Variants in INTS2 observed in about 807,000 individuals in gnomAD.
INTS2 encodes the protein integrator complex subunit 2, also known as KIAA1287.
In INTS2, 57 loss-of-function variants were observed where a neutral mutation model predicts 139.6. The ratio of observed to expected loss-of-function variants is 0.41; its 90% CI spans 0.33 to 0.51. The LOEUF (loss-of-function observed/expected upper bound fraction) is 0.51. INTS2 is among the 20% of genes least tolerant of loss of function. INTS2 has a pLI of 0.28. For missense variants in INTS2, 1,196 were observed against 1,436.7 expected (o/e 0.83, Z 2.71); for synonymous variants, 473 against 493.4 (o/e 0.96, Z 0.55).
intron 16 of INTS2, among the ~76,000 whole-genome samples, chr17:61,884,145 G>C (rs1489173637): frequency 6.6e-6 from 1 of 152,040 alleles, no homozygotes; most frequent in Non-Finnish European, 1.5e-5. Context: ...AGATCTACCT[G>C]TACTGATATG....
intron 5 of INTS2, among the ~76,000 whole-genome samples, chr17:61,917,629 G>T (rs1005683871): frequency 6.6e-6 from 1 of 152,130 alleles, no homozygotes; most frequent in East Asian, 1.9e-4. Context: ...ACTACCAGTG[G>T]GGAGGAAGAA....
At chr17:61,925,249 G>T in intron 2 of INTS2, 150 bp from the exon 3 acceptor site, 1 of 772,832 alleles carries the variant, frequency 1.3e-6, no homozygotes, top group Non-Finnish European at 2.1e-6. Context: ...TAGTTTGCCT[G>T]TGTATTTCAG....
chr17:61,904,362 C>T, intron 9 of INTS2, 98 bp downstream of exon 9: 2 of 856,036 alleles, frequency 2.3e-6, no homozygotes, highest in Non-Finnish European at 1.8e-6. Context: ...CATACCTAGA[C>T]CAGCTTTTGT....
chr17:61,917,261 T>C (rs2079592360), intron 5 of INTS2, among the ~76,000 whole-genome samples: 1 of 152,192 alleles, frequency 6.6e-6, no homozygotes, highest in Non-Finnish European at 1.5e-5. Flanking sequence ...GAACTACCAT[T>C]CGACCCAGCA....
rs970197566 is a variant in INTS2 at position 61,872,560 on chromosome 17, T to C, written c.2583-100A>G. On this transcript the variant is annotated intron_variant, in intron 19 of 24. Transcript: ENST00000251334. This position sits in a 1 kb window ranked among gnomAD's most constrained non-coding sequence, Gnocchi z 4.8. Reference sequence around the variant, plus strand: ...TTTAGTTTAAATGCTGAGAAAAACCTGAGTAGTACATACTAACTTTTCCCA... The same window carrying C: ...TTTAGTTTAAATGCTGAGAAAAACCCGAGTAGTACATACTAACTTTTCCCA... 4.6e-5 allele frequency: 32 copies of C among 696,080 alleles called. No homozygotes were observed. The African/African-American group carries it at 5.5e-4, about 12-fold the overall frequency. 43.1% of individuals were successfully genotyped at this position (696,080 alleles called of 1,614,324 possible). A position where few individuals can be genotyped will look rare whatever the true frequency, so the allele number is the denominator to read the frequency against.
In INTS2 at chr17:61,865,423, ATC is replaced by A. The variant is rs1173152266; in HGVS notation, c.*2132_*2133del. The A allele has an allele frequency of 1.3e-5, 2 of 152,684 alleles. No homozygotes were observed. The highest frequency in any genetic ancestry group is 2.4e-5 in the African/African-American group (1 of 41,464). 9.5% of individuals were successfully genotyped at this position (152,684 alleles called of 1,614,324 possible). A position where few individuals can be genotyped will look rare whatever the true frequency, so the allele number is the denominator to read the frequency against. On this transcript the variant is annotated 3_prime_UTR_variant, in exon 25 of 25. Transcript: ENST00000251334. The surrounding 1 kb of genome is among the most constrained non-coding windows in gnomAD (Gnocchi z 4.8). ...ACCAATATTCAAAATAGCTGCACAC[ATC>A]TGTTTTCACTTGAATAAAAAAACAC...
At chr17:61,927,161 CTT>C (rs556091542) in intron 1 of INTS2, 29 of 172,976 alleles carry the variant, frequency 1.7e-4, no homozygotes, top group Admixed American at 8.5e-4. Context: ...TTGGGCTTCT[CTT>C]TCTCACCCTC....
At chr17:61,890,090 G>A (rs2079274872) in intron 14 of INTS2, among the ~76,000 whole-genome samples, 196 bp from the exon 15 acceptor site, 1 of 152,104 alleles carries the variant, frequency 6.6e-6, no homozygotes, top group Admixed American at 6.6e-5. Context: ...GAGATGAAAG[G>A]CAACATGCTT....
At chr17:61,908,289 C>T (rs1373108506) in intron 7 of INTS2, among the ~76,000 whole-genome samples, 2 of 152,104 alleles carry the variant, frequency 1.3e-5, no homozygotes, top group African/African-American at 4.8e-5. Flanking sequence ...GTGGTGCATG[C>T]CTGTAATCCC....
intron 5 of INTS2, among the ~76,000 whole-genome samples, chr17:61,914,557 G>C (rs368962425): frequency 6.6e-6 from 1 of 151,976 alleles, no homozygotes; most frequent in East Asian, 1.9e-4. Context: ...AAAATTAGCC[G>C]GGCGTGGTGG....
At chr17:61,896,097 G>A (rs575059177) in intron 11 of INTS2, among the ~76,000 whole-genome samples, 9 of 151,746 alleles carry the variant, frequency 5.9e-5, no homozygotes, top group East Asian at 3.9e-4. Context: ...AAAATTAGCC[G>A]GGCGTGGCGG....
Position 61,884,963 on chromosome 17 carries a change from A to G in INTS2, c.2027T>C (p.Met676Thr), listed in dbSNP as rs749485038. 4 of 1,607,872 alleles carry G rather than the reference A, an allele frequency of 2.5e-6. No homozygotes were observed. The African/African-American group carries it at 4.0e-5, about 16-fold the overall frequency. The change falls in exon 16 of 25, where the codon ATG (methionine) becomes ACG (threonine). Residue 676 changes from methionine to threonine, a missense_variant. Physicochemically the swap from Met to Thr is moderately conservative, Grantham distance 81. Coordinates refer to ENST00000251334, the MANE Select transcript of INTS2 (RefSeq NM_001351695.2). ...AAGGAATTTGATAGGAATCTGATCC[A>G]TTAAAGAAGAAGAATATGATTTGGG... ...RKPKSYSSSL[M>T]DQIPIKFLIR...
At chr17:61,906,958 C>A (rs1603380343) in intron 8 of INTS2, among the ~76,000 whole-genome samples, 2 of 66,742 alleles carry the variant, frequency 3.0e-5, no homozygotes, top group Admixed American at 2.4e-4. Context: ...ACGGAGATTC[C>A]ATCTCAAAAA....
chr17:61,919,152 T>C (rs184998217), intron 5 of INTS2, among the ~76,000 whole-genome samples: 39 of 152,186 alleles, frequency 2.6e-4, no homozygotes, highest in African/African-American at 9.1e-4. Context: ...CTCAAACTTC[T>C]GACCTTGTGA....
chr17:61,906,044 T>C (rs929330533), intron 8 of INTS2, among the ~76,000 whole-genome samples: 1 of 152,174 alleles, frequency 6.6e-6, no homozygotes, highest in African/African-American at 2.4e-5. Flanking sequence ...TTATCTGTTT[T>C]TGGAATATAA....
chr17:61,915,332 C>T (rs928692296), intron 5 of INTS2, among the ~76,000 whole-genome samples: 12 of 132,792 alleles, frequency 9.0e-5, no homozygotes, highest in Admixed American at 5.8e-4. Context: ...AGCAAGACTC[C>T]GTCTCAAAAA....
At chr17:61,902,880 A>G (rs1257415561) in intron 9 of INTS2, among the ~76,000 whole-genome samples, 2 of 145,694 alleles carry the variant, frequency 1.4e-5, no homozygotes, top group Non-Finnish European at 1.5e-5. Flanking sequence ...AAAAAAAAAA[A>G]CAGAGGCTGG....
chr17:61,910,842 CA>C (rs2079519300), intron 7 of INTS2: 1 of 152,030 alleles, frequency 6.6e-6, no homozygotes, highest in African/African-American at 2.4e-5. Context: ...TATATGCTTT[CA>C]GGGGGTCTGG....
At chr17:61,908,371 C>T (rs1012854417) in intron 7 of INTS2, among the ~76,000 whole-genome samples, 5 of 152,166 alleles carry the variant, frequency 3.3e-5, no homozygotes, top group East Asian at 3.9e-4. Flanking sequence ...GTCAAGATGG[C>T]GCCACTGCAC....
Sources: gnomAD v4.1 joint callset for allele counts (sites outside exome capture counted in the v4.1 genomes callset) on GRCh38, gnomAD v4.1.1 for gene constraint, Gnocchi (gnomAD v3.1) non-coding constraint, MANE v1.5 for transcripts, NCBI Gene and HGNC (gene_info 2026-07-23, HGNC 2026-07-21) for gene names.